The following ZAN variants were observed in gnomAD, a reference collection of about 807,000 sequenced individuals.
ZAN encodes the protein zonadhesin (gene/pseudogene).
A neutral mutation model predicts 286.2 loss-of-function variants in ZAN; 260 were observed. The ratio of observed to expected loss-of-function variants is 0.91; its 90% CI spans 0.82 to 1.01. The LOEUF (loss-of-function observed/expected upper bound fraction) is 1.01. Among genes scored for constraint, ZAN ranks in the 50% least tolerant of loss-of-function variants. The pLI is 0.00. For missense variants in ZAN, 3,410 were observed against 3,639.2 expected (o/e 0.94, Z 1.62); for synonymous variants, 1,368 against 1,417.5 (o/e 0.97, Z 0.79).
intron 40 of ZAN, among the ~76,000 whole-genome samples, chr7:100,791,756 C>T (rs1021074436): frequency 6.6e-6 from 1 of 151,978 alleles, no homozygotes; most frequent in South Asian, 2.1e-4. Flanking sequence ...GAGACCGGGT[C>T]GTGCTCTGTT....
Position 100,788,022 on chromosome 7 carries a change from C to A in ZAN, c.7113C>A (p.Leu2371=), listed in dbSNP as rs538996415. 9.7e-5 allele frequency: 153 copies of A among 1,570,230 alleles called. No individual in the cohort carries two copies. The South Asian group carries it at 1.7e-3, about 18-fold the overall frequency. ...VDVLPEGVEP[L]LVEGRNKMDP... ...TACTGCCTGAGGGGGTGGAGCCCCT[C>A]CTCGTGGAAGGACGCAACAAGATGG... The change falls in exon 38 of 48, where the codon CTC becomes CTA. Residue 2371 remains leucine (L), a synonymous_variant. Coordinates refer to ENST00000613979, the MANE Select transcript of ZAN (RefSeq NM_003386.3).
In ZAN at chr7:100,734,347, C is replaced by T. The variant is rs1312764816; in HGVS notation, c.53+126C>T. On this transcript the variant is annotated intron_variant, in intron 2 of 47. Transcript: ENST00000613979. Reference sequence around the variant, plus strand: ...AAAAGATCTGGAGAGAGGCCAGGCACGGTGGCTCACGCCTGTAATCCCAGC... The same window carrying T: ...AAAAGATCTGGAGAGAGGCCAGGCATGGTGGCTCACGCCTGTAATCCCAGC... 17 of 636,074 alleles carry T rather than the reference C, an allele frequency of 2.7e-5. 1 individual carries two copies. Among genetic ancestry groups the T allele is most frequent in the Non-Finnish European group, 3.7e-5 (15 of 402,830 alleles). The allele number at this position is 636,074 out of a possible 1,614,324, so 39.4% of individuals were successfully genotyped here.
chr7:100,792,558 C>T, intron 42 of ZAN, 79 bp downstream of exon 42: 2 of 1,590,922 alleles, frequency 1.3e-6, no homozygotes, highest in Non-Finnish European at 1.7e-6. Flanking sequence ...AGGTGTTGCC[C>T]CTCCCTGTGC....
rs552578538 is a variant in ZAN, at chr7:100,739,016, C to CT, written c.766+416dup. 1.0e-4 allele frequency among the ~76,000 whole-genome samples: 8 copies of CT among 76,508 alleles called. 2 individuals carry two copies. Among genetic ancestry groups the CT allele is most frequent in the African/African-American group, 2.8e-4 (7 of 24,700 alleles). 50.2% of individuals were successfully genotyped at this position (76,508 alleles called of 152,430 possible). A position where few individuals can be genotyped will look rare whatever the true frequency, so the allele number is the denominator to read the frequency against. On this transcript the variant is annotated intron_variant, in intron 7 of 47. Transcript: ENST00000613979. ...CCTTCTCCTTCTCCTTCTTCTTTTTCTTTTTTTTTTTTTGAAGCAGAGTCT... is the reference window on the plus strand; with the variant it reads ...CCTTCTCCTTCTCCTTCTTCTTTTTCTTTTTTTTTTTTTTGAAGCAGAGTCT...
chr7:100,778,451 A>AAG (rs1217847669), intron 34 of ZAN, among the ~76,000 whole-genome samples: 2 of 151,710 alleles, frequency 1.3e-5, no homozygotes, highest in African/African-American at 4.8e-5. Flanking sequence ...AGAAAAAAAA[A>AAG]AAAAAGAAAA....
Position 100,764,042 on chromosome 7 carries a change from C to G in ZAN, c.4113C>G (p.His1371Gln). 6.2e-7 allele frequency: 1 copy of G among 1,613,886 alleles called. No homozygotes were observed. The highest frequency in any genetic ancestry group is 2.2e-5 in the East Asian group (1 of 44,888). Reference protein sequence around the residue: ...THGPFETCLLHVKAASFFDSC... With the variant: ...THGPFETCLLQVKAASFFDSC... ...CTCCCCTCAGGACATGCCTGCTGCA[C>G]GTGAAGGCCGCTTCCTTCTTCGACA... The change falls in exon 22 of 48, where the codon CAC (histidine) becomes CAG (glutamine). Residue 1371 changes from histidine (H) to glutamine (Q), a missense_variant. Around this residue, in one of 7 missense-constraint regions of ZAN, gnomAD observed 1,042 missense variants for 1,058.0 expected, o/e 0.98. Coordinates refer to ENST00000613979, the MANE Select transcript of ZAN (RefSeq NM_003386.3).
chr7:100,778,442 GAAAAAA>G (rs56157872), intron 34 of ZAN, among the ~76,000 whole-genome samples: 1 of 133,306 alleles, frequency 7.5e-6, no homozygotes, highest in African/African-American at 2.8e-5. Flanking sequence ...CATCTCTACA[GAAAAAA>G]AAAAAAAAGA....
chr7:100,759,867 C>T (rs762985761), intron 18 of ZAN, 22 bp downstream of exon 18: 1 of 1,608,856 alleles, frequency 6.2e-7, no homozygotes, highest in Non-Finnish European at 8.5e-7. Flanking sequence ...TCCACCCCCA[C>T]CATCCTTGCA....
chr7:100,773,593 G>A, intron 30 of ZAN, 100 bp downstream of exon 30: 1 of 1,546,828 alleles, frequency 6.5e-7, no homozygotes, highest in East Asian at 2.3e-5. Flanking sequence ...GAACCTGGGA[G>A]GGGCAGGGCT....
At chr7:100,768,220 G>C (rs1810134314) in intron 26 of ZAN, among the ~76,000 whole-genome samples, 1 of 152,156 alleles carries the variant, frequency 6.6e-6, no homozygotes, top group African/African-American at 2.4e-5. Context: ...ACCTGTAAAT[G>C]CAACACTTTG....
rs747402712 is a variant in ZAN, at chr7:100,736,509, G to A, written c.133G>A (p.Asp45Asn). Residue 45 changes from aspartate to asparagine, a missense_variant, in exon 4 of 48, where the codon GAT (aspartate) becomes AAT (asparagine). Transcript: ENST00000613979. The part of the protein sequence containing the change: ...NYVLTQCDFE[D>N]DAKPLCDWSQ... ...TGTCCTCACCCAGTGTGATTTTGAG[G>A]ATGACGCCAAACCCCTCTGTGACTG... The A allele has an allele frequency of 2.0e-6, 3 of 1,524,280 alleles. No individual in the cohort carries two copies. The highest frequency in any genetic ancestry group is 3.5e-5 in the Admixed American group (2 of 57,622). The allele number at this position is 1,524,280 out of a possible 1,614,324, so 94.4% of individuals were successfully genotyped here.
intron 36 of ZAN, 76 bp downstream of exon 36, chr7:100,784,910 C>T: frequency 2.1e-6 from 3 of 1,433,918 alleles, no homozygotes; most frequent in Non-Finnish European, 1.8e-6. Context: ...CTGCCTCTCT[C>T]AGCCTGGGAT....
chr7:100,795,215 C>A lies in ZAN; in HGVS notation c.8145C>A (p.Asn2715Lys), dbSNP rs1422425970. The A allele has an allele frequency of 1.9e-6, 3 of 1,610,768 alleles. No homozygotes were observed. Among genetic ancestry groups the A allele is most frequent in the South Asian group, 2.2e-5 (2 of 90,580 alleles). ...TTGCAGAAAGCCCGTGTCTGCAGAACCCCTGTCAGAATGACGGGCAGTGTC... is the reference window on the plus strand; with the variant it reads ...TTGCAGAAAGCCCGTGTCTGCAGAAACCCTGTCAGAATGACGGGCAGTGTC... ...GCFPESPCLQ[N>K]PCQNDGQCRE... The change falls in exon 45 of 48, where the codon AAC becomes AAA. Residue 2715 changes from asparagine to lysine, a missense_variant. Transcript: ENST00000613979.
intron 34 of ZAN, among the ~76,000 whole-genome samples, chr7:100,778,341 C>T (rs1481470710): frequency 1.3e-5 from 2 of 151,050 alleles, no homozygotes; most frequent in Non-Finnish European, 2.9e-5. Flanking sequence ...CAGTGGCTCA[C>T]GCCTCTAATC....
rs186799973 is a variant in ZAN, at chr7:100,796,098, C to A, written c.8266+762C>A. Among the ~76,000 whole-genome samples the A allele has an allele frequency of 6.6e-5, 10 of 151,692 alleles. No homozygotes were observed. In the East Asian group the frequency reaches 1.5e-3, roughly 23 times the overall value. On this transcript the variant is annotated intron_variant, in intron 45 of 47. Transcript: ENST00000613979. ...CTCAAAAAAAACAAAAAACAAAAACCAAAAACAAAACAAAAAACTAGTTCC... is the reference window on the plus strand; with the variant it reads ...CTCAAAAAAAACAAAAAACAAAAACAAAAAACAAAACAAAAAACTAGTTCC...
At chr7:100,740,319 T>A (rs1807650467) in intron 7 of ZAN, among the ~76,000 whole-genome samples, 1 of 125,592 alleles carries the variant, frequency 8.0e-6, no homozygotes, top group Non-Finnish European at 1.7e-5. Flanking sequence ...TTTATTTTTT[T>A]ATTGATAATT....
At position 100,763,168 on chromosome 7, in the gene ZAN, T is replaced by C. The variant is rs1368937725; in HGVS notation, c.3987-638T>C. On this transcript the variant is annotated intron_variant, in intron 20 of 47. Coordinates refer to ENST00000613979, the MANE Select transcript of ZAN (RefSeq NM_003386.3). The surrounding 1 kb of genome is among the most constrained non-coding windows in gnomAD (Gnocchi z 4.6). ...TTAGTAGAGACGGGGTTTCATCATG[T>C]TGGCCAGGCTGGTTTCGAACTCCTG... Among the ~76,000 whole-genome samples, 2 of 151,652 alleles carry C rather than the reference T, an allele frequency of 1.3e-5. No homozygotes were observed. Among genetic ancestry groups the C allele is most frequent in the Non-Finnish European group, 2.9e-5 (2 of 67,900 alleles).
At chr7:100,775,910 T>C in intron 33 of ZAN, 77 bp downstream of exon 33, 4 of 1,557,380 alleles carry the variant, frequency 2.6e-6, no homozygotes, top group Non-Finnish European at 3.5e-6. Flanking sequence ...TGGGGGGCAG[T>C]GTTCGCATCG....
intron 35 of ZAN, among the ~76,000 whole-genome samples, chr7:100,780,285 G>A (rs1160124737): frequency 6.6e-6 from 1 of 151,774 alleles, no homozygotes; most frequent in Non-Finnish European, 1.5e-5. Flanking sequence ...TTTAAAACAG[G>A]AATTCAATAG....
Sources: allele counts gnomAD v4.1 joint callset (sites outside exome capture counted in the v4.1 genomes callset), GRCh38; gene constraint gnomAD v4.1.1; regional missense constraint gnomAD v4.1.1; non-coding constraint Gnocchi (gnomAD v3.1); transcripts MANE v1.5; gene names NCBI Gene and HGNC (gene_info 2026-07-23, HGNC 2026-07-21).